The following GRAMD1B variants were observed in gnomAD, a reference collection of about 807,000 sequenced individuals.
GRAMD1B encodes the protein protein Aster-B.
Under a neutral mutation model 99.7 loss-of-function variants are expected in GRAMD1B, and 37 were observed. The observed-to-expected ratio is 0.37, with a 90% CI of 0.29 to 0.49. GRAMD1B has a LOEUF of 0.49. GRAMD1B is among the 20% of genes least tolerant of loss of function. The pLI is 0.98. For synonymous variants in GRAMD1B, 427 were observed against 387.6 expected (o/e 1.10, Z -1.19); for missense variants, 888 against 1,009.2 (o/e 0.88, Z 1.63).
intron 2 of GRAMD1B, among the ~76,000 whole-genome samples, chr11:123,507,223 T>C (rs992608704): frequency 2.0e-5 from 3 of 152,196 alleles, no homozygotes; most frequent in African/African-American, 2.4e-5. Flanking sequence ...AGAAGAAACA[T>C]TACAGGCCTC....
chr11:123,422,036 T>G (rs1328126758), intron 1 of GRAMD1B, among the ~76,000 whole-genome samples: 1 of 152,210 alleles, frequency 6.6e-6, no homozygotes, highest in African/African-American at 2.4e-5. Context: ...CAAAAAGACG[T>G]TGTAGATTAC....
At chr11:123,502,631 C>G in intron 2 of GRAMD1B, among the ~76,000 whole-genome samples, 1 of 151,946 alleles carries the variant, frequency 6.6e-6, no homozygotes, top group Non-Finnish European at 1.5e-5. Context: ...AAAAATTAGC[C>G]AGATGTGGAA....
chr11:123,572,947 G>A (rs996843150), intron 2 of GRAMD1B, among the ~76,000 whole-genome samples: 2 of 148,582 alleles, frequency 1.3e-5, no homozygotes, highest in East Asian at 2.0e-4. Context: ...CCGATGGCTG[G>A]GGCAGGGGCG....
intron 2 of GRAMD1B, among the ~76,000 whole-genome samples, chr11:123,520,416 A>G (rs1369785265): frequency 1.3e-5 from 2 of 152,092 alleles, no homozygotes; most frequent in Non-Finnish European, 2.9e-5. Context: ...GTTGGTATTC[A>G]GTTGTTTTCT....
intron 2 of GRAMD1B, among the ~76,000 whole-genome samples, chr11:123,499,005 C>T (rs1285081268): frequency 1.3e-5 from 2 of 152,172 alleles, no homozygotes; most frequent in African/African-American, 4.8e-5. Context: ...CCTACTCTAG[C>T]TAATATCCGG....
chr11:123,463,233 C>A (rs1950519769), intron 1 of GRAMD1B, among the ~76,000 whole-genome samples: 1 of 152,162 alleles, frequency 6.6e-6, no homozygotes, highest in African/African-American at 2.4e-5. Context: ...GGCTGGTCTC[C>A]AACTCCTGGC....
At chr11:123,550,694 A>G (rs1029278) in intron 2 of GRAMD1B, among the ~76,000 whole-genome samples, 111,768 of 152,072 alleles carry the variant, frequency 0.73, 41,843 homozygotes, top group African/African-American at 0.88. Context: ...GACATCCCTC[A>G]TTAAGACCTT....
chr11:123,384,972 G>A (rs1591396825), intron 1 of GRAMD1B, among the ~76,000 whole-genome samples: 1 of 152,270 alleles, frequency 6.6e-6, no homozygotes, highest in Admixed American at 6.5e-5. Flanking sequence ...CACATCCCAC[G>A]GGTCATAATT....
chr11:123,560,556 C>G, intron 2 of GRAMD1B: 1 of 931,328 alleles, frequency 1.1e-6, no homozygotes, highest in Non-Finnish European at 1.5e-6. Flanking sequence ...CCTCAGGGCC[C>G]CCGCTCCCCG....
intron 16 of GRAMD1B, among the ~76,000 whole-genome samples, chr11:123,613,932 A>G (rs529557231): frequency 2.0e-5 from 3 of 152,240 alleles, no homozygotes; most frequent in Admixed American, 6.5e-5. Context: ...GGCTACCTGC[A>G]TAGGCTCAAG....
At chr11:123,396,774 G>A (rs76170124) in intron 1 of GRAMD1B, among the ~76,000 whole-genome samples, 1,578 of 152,282 alleles carry the variant, frequency 0.01, 28 homozygotes, top group African/African-American at 0.037. Context: ...GTTTCCTGTT[G>A]AAATATTTTG....
intron 2 of GRAMD1B, among the ~76,000 whole-genome samples, chr11:123,550,492 T>C (rs1474620373): frequency 6.6e-6 from 1 of 152,038 alleles, no homozygotes; most frequent in Non-Finnish European, 1.5e-5. Flanking sequence ...AACCTAACAA[T>C]AGTGTTTTCA....
chr11:123,398,585 C>T (rs1041906192), intron 1 of GRAMD1B, among the ~76,000 whole-genome samples: 2 of 152,130 alleles, frequency 1.3e-5, no homozygotes, highest in African/African-American at 4.8e-5. Context: ...TCCTTGGCAC[C>T]ACTTGGTATT....
intron 14 of GRAMD1B, among the ~76,000 whole-genome samples, chr11:123,611,186 A>G (rs936465972): frequency 2.1e-5 from 3 of 143,306 alleles, no homozygotes; most frequent in African/African-American, 5.0e-5. Flanking sequence ...CTATATTCAC[A>G]CATTTTGGGA....
chr11:123,437,564 T>G, intron 1 of GRAMD1B, among the ~76,000 whole-genome samples: 1 of 152,156 alleles, frequency 6.6e-6, no homozygotes, highest in East Asian at 1.9e-4. Flanking sequence ...ATGTCCCTTC[T>G]TCTACATAAC....
intron 1 of GRAMD1B, among the ~76,000 whole-genome samples, chr11:123,419,467 A>C (rs1448466362): frequency 1.3e-5 from 2 of 152,136 alleles, no homozygotes; most frequent in Non-Finnish European, 2.9e-5. Flanking sequence ...CTGTGTCTAC[A>C]AAAAATAATA....
rs973686785 is a variant in GRAMD1B, at chr11:123,446,219, G to T, written c.374+15053G>T. Among the ~76,000 whole-genome samples, 5 of 152,058 alleles carry T rather than the reference G, an allele frequency of 3.3e-5. No individual in the cohort carries two copies. In the South Asian group the frequency reaches 1.0e-3, roughly 31 times the overall value. ...CTCTCTTTGTCGCCCAGACTTGAGT[G>T]CAGTGGCATGATCTCGGCTCACTAC... is the stretch of plus-strand genomic sequence containing the variant. On this transcript the variant is annotated intron_variant, in intron 1 of 19. Transcript: ENST00000635736.
chr11:123,378,652 C>G (rs1946770389), intron 1 of GRAMD1B, among the ~76,000 whole-genome samples: 1 of 152,040 alleles, frequency 6.6e-6, no homozygotes, highest in South Asian at 2.1e-4. Context: ...CTTTGAAAAA[C>G]CAATGAAGCA....
intron 2 of GRAMD1B, among the ~76,000 whole-genome samples, chr11:123,503,433 G>C (rs1940099034): frequency 6.6e-6 from 1 of 152,082 alleles, no homozygotes; most frequent in Admixed American, 6.6e-5. Flanking sequence ...AGTCCCCATT[G>C]TTCTTAACCC....
Sources: gnomAD v4.1 joint callset for allele counts (sites outside exome capture counted in the v4.1 genomes callset) on GRCh38, gnomAD v4.1.1 for gene constraint, MANE v1.5 for transcripts, NCBI Gene and HGNC (gene_info 2026-07-23, HGNC 2026-07-21) for gene names.